The following KAT6B variants were observed in gnomAD, a reference collection of about 807,000 sequenced individuals.
KAT6B encodes histone acetyltransferase KAT6B.
Under a neutral mutation model 187.5 loss-of-function variants are expected in KAT6B, and 10 were observed. That is an observed-to-expected ratio of 0.05 (90% CI 0.03 to 0.09). The LOEUF is 0.09. Among genes scored for constraint, KAT6B ranks in the 10% least tolerant of loss-of-function variants. KAT6B has a pLI of 1.00. For missense variants in KAT6B, 1,952 were observed against 2,558.9 expected (o/e 0.76, Z 5.12); for synonymous variants, 861 against 926.8 (o/e 0.93, Z 1.29).
Position 74,940,593 on chromosome 10 carries a change from T to C in KAT6B, c.622-19377T>C, listed in dbSNP as rs547244426. On this transcript the variant is annotated intron_variant, in intron 3 of 17. Coordinates refer to ENST00000287239, the MANE Select transcript of KAT6B (RefSeq NM_012330.4). Reference sequence around the variant, plus strand: ...CCGGCCTTTGTTTTTTTTTTTTTTCTTTCTTTAAAGAGAAGTTCTTGCTCT... The same window carrying C: ...CCGGCCTTTGTTTTTTTTTTTTTTCCTTCTTTAAAGAGAAGTTCTTGCTCT... Among the ~76,000 whole-genome samples, 50 of 149,326 alleles carry C rather than the reference T, an allele frequency of 3.3e-4. 1 individual carries two copies. In the South Asian group the frequency reaches 0.011, roughly 32 times the overall value.
At chr10:74,967,479 T>C (rs1841561890) in intron 4 of KAT6B, among the ~76,000 whole-genome samples, 1 of 152,220 alleles carries the variant, frequency 6.6e-6, no homozygotes, top group African/African-American at 2.4e-5. Flanking sequence ...CACGTTACGG[T>C]CTTTTGTGTT....
chr10:74,966,291 A>G (rs563625017), intron 4 of KAT6B, among the ~76,000 whole-genome samples: 1 of 152,324 alleles, frequency 6.6e-6, no homozygotes, highest in Non-Finnish European at 1.5e-5. Flanking sequence ...GATTAGATCA[A>G]TCATGCCCAC....
intron 7 of KAT6B, among the ~76,000 whole-genome samples, chr10:74,974,519 G>A (rs770810701): frequency 1.3e-5 from 2 of 152,210 alleles, no homozygotes; most frequent in African/African-American, 2.4e-5. Context: ...GGGTAGCTTC[G>A]CAAACCCTAG....
intron 11 of KAT6B, chr10:74,984,460 G>A (rs187486605): frequency 1.1e-4 from 17 of 153,068 alleles, no homozygotes; most frequent in African/African-American, 3.8e-4. Flanking sequence ...ATTTTGAAGA[G>A]AAGTAGACTG....
rs1840593092 is a variant in KAT6B, at chr10:74,955,294, C to T, written c.622-4676C>T. Among the ~76,000 whole-genome samples, 4 of 151,658 alleles carry T rather than the reference C, an allele frequency of 2.6e-5. No individual in the cohort carries two copies. In the South Asian group the frequency reaches 6.3e-4, roughly 24 times the overall value. ...TTTTGCATTCATGGTTGGTTGAATC[C>T]ACGGATATTAATCCCGCAGATATAG... On this transcript the variant is annotated intron_variant, in intron 3 of 17. Coordinates refer to ENST00000287239, the MANE Select transcript of KAT6B (RefSeq NM_012330.4).
chr10:74,960,460 T>G (rs543713088), intron 4 of KAT6B, among the ~76,000 whole-genome samples: 1 of 151,986 alleles, frequency 6.6e-6, no homozygotes, highest in Non-Finnish European at 1.5e-5. Context: ...GCTTTTTCTG[T>G]TAATCTTCAA....
intron 13 of KAT6B, among the ~76,000 whole-genome samples, chr10:75,009,530 G>A (rs1375095872): frequency 6.6e-6 from 1 of 152,144 alleles, no homozygotes; most frequent in Non-Finnish European, 1.5e-5. Context: ...CTAAAATTTA[G>A]CCAAACAGTG....
Position 75,029,980 on chromosome 10 carries a change from G to A in KAT6B, c.5156G>A (p.Cys1719Tyr). The change falls in exon 18 of 18, where the codon TGT becomes TAT. Residue 1719 changes from cysteine (C) to tyrosine (Y), a missense_variant. By Grantham distance (194) the Cys-to-Tyr change is radical. Coordinates refer to ENST00000287239, the MANE Select transcript of KAT6B (RefSeq NM_012330.4). This position sits in a 1 kb window ranked among gnomAD's most constrained non-coding sequence, Gnocchi z 6.2. Reference sequence around the variant, plus strand: ...TCCAGCAGTCTGACACAGAGCAGCTGTGCTGTCACCCAGCAGATGTCCAAC... The same window carrying A: ...TCCAGCAGTCTGACACAGAGCAGCTATGCTGTCACCCAGCAGATGTCCAAC... ...LTSSSLTQSS[C>Y]AVTQQMSNIS... 3 of 1,614,196 alleles carry A rather than the reference G, an allele frequency of 1.9e-6. No homozygotes were observed. The highest frequency in any genetic ancestry group is 2.5e-6 in the Non-Finnish European group (3 of 1,180,044).
intron 3 of KAT6B, among the ~76,000 whole-genome samples, chr10:74,917,872 C>T (rs1847810341): frequency 6.6e-6 from 1 of 152,168 alleles, no homozygotes. Flanking sequence ...ACTGGCAAAT[C>T]ACTTGATAGG....
chr10:74,940,595 T>TC (rs1849602908), intron 3 of KAT6B, among the ~76,000 whole-genome samples: 1 of 151,444 alleles, frequency 6.6e-6, no homozygotes, highest in Non-Finnish European at 1.5e-5. Flanking sequence ...TTTTTTTCTT[T>TC]CTTTAAAGAG....
chr10:75,030,018 T>C lies in KAT6B; in HGVS notation c.5194T>C (p.Cys1732Arg). 1 of 1,614,200 alleles carries C rather than the reference T, an allele frequency of 6.2e-7. No individual in the cohort carries two copies. Among genetic ancestry groups the C allele is most frequent in the South Asian group, 1.1e-5 (1 of 91,084 alleles). The change falls in exon 18 of 18, where the codon TGC becomes CGC. Residue 1732 changes from cysteine to arginine, a missense_variant. Coordinates refer to ENST00000287239, the MANE Select transcript of KAT6B (RefSeq NM_012330.4). This position sits in a 1 kb window ranked among gnomAD's most constrained non-coding sequence, Gnocchi z 4.8. Reference sequence around the variant, plus strand: ...GCAGATGTCCAACATCAGCGGGAGCTGCAGCATGCTGCAGCAAACCAGCAT... The same window carrying C: ...GCAGATGTCCAACATCAGCGGGAGCCGCAGCATGCTGCAGCAAACCAGCAT... The part of the protein sequence containing the change: ...TQQMSNISGS[C>R]SMLQQTSISS...
At chr10:74,885,605 T>A (rs768875795) in intron 3 of KAT6B, among the ~76,000 whole-genome samples, 1 of 152,194 alleles carries the variant, frequency 6.6e-6, no homozygotes, top group Non-Finnish European at 1.5e-5. Context: ...TGAACAAATA[T>A]TTAGAAAATG....
At chr10:75,027,240 C>T (rs1236620229) in intron 17 of KAT6B, among the ~76,000 whole-genome samples, 2 of 152,172 alleles carry the variant, frequency 1.3e-5, no homozygotes, top group Admixed American at 6.5e-5. Flanking sequence ...GCATGGTACT[C>T]GGCACTTCTC....
intron 1 of KAT6B, among the ~76,000 whole-genome samples, chr10:74,829,455 AG>A (rs1328742983): frequency 6.7e-6 from 1 of 149,184 alleles, no homozygotes; most frequent in Admixed American, 6.6e-5. Context: ...AAAAGGAAAT[AG>A]TTTTTTTTTT....
Position 74,993,182 on chromosome 10 carries a change from G to C in KAT6B, c.2629+4070G>C, listed in dbSNP as rs576467099. Among the ~76,000 whole-genome samples the C allele has an allele frequency of 9.2e-5, 14 of 152,272 alleles. 1 individual carries two copies. In the South Asian group the frequency reaches 2.9e-3, roughly 32 times the overall value. ...TTCTCCCAGCCACTGCTGAGCACTG[G>C]GGGCCCAGAGTGCTCCCTCCCAAGC... On this transcript the variant is annotated intron_variant, in intron 13 of 17. Coordinates refer to ENST00000287239, the MANE Select transcript of KAT6B (RefSeq NM_012330.4).
chr10:74,885,411 A>T (rs751029311), intron 3 of KAT6B, among the ~76,000 whole-genome samples: 1 of 152,178 alleles, frequency 6.6e-6, no homozygotes, highest in Non-Finnish European at 1.5e-5. Context: ...ATTTAGTATA[A>T]TGCCATCTGA....
At chr10:74,868,171 A>G (rs1347556531) in intron 3 of KAT6B, among the ~76,000 whole-genome samples, 2 of 152,202 alleles carry the variant, frequency 1.3e-5, no homozygotes, top group Non-Finnish European at 2.9e-5. Flanking sequence ...GCTTAATAAC[A>G]TCATCTTGAC....
At chr10:74,853,622 T>A (rs1842632555) in intron 3 of KAT6B, among the ~76,000 whole-genome samples, 1 of 131,412 alleles carries the variant, frequency 7.6e-6, no homozygotes, top group Non-Finnish European at 1.6e-5. Context: ...AGAAATGCCT[T>A]TTTTTTTTTT....
chr10:75,021,110 C>T lies in KAT6B; in HGVS notation c.2862-16C>T. ...CAGCTTGTGATTACATCTTGTTCTG[C>T]CTTATCACATTACAGATTTGTCATC... On this transcript the variant is annotated splice_polypyrimidine_tract_variant and intron_variant, in intron 14 of 17. Transcript: ENST00000287239. 1 of 1,612,300 alleles carries T rather than the reference C, an allele frequency of 6.2e-7. No individual in the cohort carries two copies. Among genetic ancestry groups the T allele is most frequent in the Non-Finnish European group, 8.5e-7 (1 of 1,178,372 alleles).
Sources: gnomAD v4.1 joint callset for allele counts (sites outside exome capture counted in the v4.1 genomes callset) on GRCh38, gnomAD v4.1.1 for gene constraint, Gnocchi (gnomAD v3.1) non-coding constraint, MANE v1.5 for transcripts, NCBI Gene and HGNC (gene_info 2026-07-23, HGNC 2026-07-21) for gene names.